Variants in CACNA1C observed in about 807,000 individuals in gnomAD.
CACNA1C encodes the protein calcium voltage-gated channel subunit alpha1 C, also known as voltage-dependent L-type calcium channel subunit alpha-1C.
In CACNA1C, 30 loss-of-function variants were observed where a neutral mutation model predicts 229.0. That is an observed-to-expected ratio of 0.13 (90% confidence interval 0.10 to 0.18). The LOEUF (loss-of-function observed/expected upper bound fraction) is 0.18. Ranked by LOEUF, CACNA1C falls within the 10% of genes least tolerant of loss-of-function variation. The probability of loss-of-function intolerance (pLI) is 1.00; values close to 1 mark genes in which losing one functional copy is unlikely to be tolerated. For missense variants in CACNA1C, 1,658 were observed against 2,845.0 expected, an observed-to-expected ratio of 0.58 and a Z score of 9.49; for synonymous variants, 1,114 against 1,132.5, an observed-to-expected ratio of 0.98 and a Z score of 0.33.
intron 1 of CACNA1C, among the ~76,000 whole-genome samples, chr12:2,080,420 T>A (rs1188311209): frequency 6.6e-6 from 1 of 151,634 alleles, no homozygotes; most frequent in Non-Finnish European, 1.5e-5. Flanking sequence ...GCTAACATGG[T>A]GAAACCCCAT....
chr12:2,650,035 T>C (rs1219637834), intron 31 of CACNA1C, among the ~76,000 whole-genome samples: 1 of 152,170 alleles, frequency 6.6e-6, no homozygotes, highest in African/African-American at 2.4e-5. Context: ...ACCCAGCCCC[T>C]CAGGTACCCG....
chr12:2,334,704 T>C (rs914803613), intron 3 of CACNA1C, among the ~76,000 whole-genome samples: 3 of 152,162 alleles, frequency 2.0e-5, no homozygotes, highest in Non-Finnish European at 4.4e-5. Context: ...GCAAATTCTT[T>C]AACTTCATTG....
At position 2,586,577 on chromosome 12, in the gene CACNA1C, G is replaced by T. The variant is rs116652004; in HGVS notation, c.2530+673G>T. ...CTGACCTAGGATTGCAGATATTATC[G>T]CCAGTTTCAAGCTTGAAGTCAATAA... On this transcript the variant is annotated intron_variant, in intron 18 of 46. Transcript: ENST00000399655. 2.0e-3 allele frequency among the ~76,000 whole-genome samples: 302 copies of T among 152,242 alleles called. 1 individual carries two copies. Among genetic ancestry groups the T allele is most frequent in the African/African-American group, 6.8e-3 (284 of 41,538 alleles).
intron 1 of CACNA1C, among the ~76,000 whole-genome samples, chr12:2,024,801 G>A (rs2429142): frequency 0.26 from 40,084 of 152,026 alleles, 6,132 homozygotes; most frequent in East Asian, 0.63. Flanking sequence ...TGTAGGCCAC[G>A]AACTTATATG....
At chr12:2,471,335 G>A (rs574687325) in intron 5 of CACNA1C, among the ~76,000 whole-genome samples, 1 of 152,092 alleles carries the variant, frequency 6.6e-6, no homozygotes, top group South Asian at 2.1e-4. Flanking sequence ...TTTTACTTTA[G>A]TCAATTGTCT....
chr12:2,419,060 C>G (rs976556786), intron 3 of CACNA1C, among the ~76,000 whole-genome samples: 6 of 152,218 alleles, frequency 3.9e-5, no homozygotes, highest in African/African-American at 1.4e-4. Context: ...GATTAGAAAA[C>G]TGAGGCCCTC....
chr12:2,150,019 G>C (rs190745121), intron 3 of CACNA1C, among the ~76,000 whole-genome samples: 1 of 152,288 alleles, frequency 6.6e-6, no homozygotes, highest in East Asian at 1.9e-4. Flanking sequence ...GCACTAAAAG[G>C]GGGTCAAGGA....
intron 3 of CACNA1C, among the ~76,000 whole-genome samples, chr12:2,273,846 G>A (rs908412638): frequency 2.0e-5 from 3 of 152,246 alleles, no homozygotes; most frequent in African/African-American, 7.2e-5. Context: ...GGTCAAGGAG[G>A]CTGTCTGTTT....
intron 6 of CACNA1C, among the ~76,000 whole-genome samples, chr12:2,487,297 T>A (rs1470337541): frequency 2.0e-5 from 3 of 151,582 alleles, no homozygotes; most frequent in African/African-American, 7.3e-5. Context: ...ATTTTCTCCA[T>A]CGACACTGCA....
rs1185163482 is a variant in CACNA1C, at chr12:2,054,802, CCTAT to C, written c.49+1194_49+1197del. Among the ~76,000 whole-genome samples, 2 of 152,198 alleles carry C rather than the reference CCTAT, an allele frequency of 1.3e-5. No individual in the cohort carries two copies. Among genetic ancestry groups the C allele is most frequent in the African/African-American group, 4.8e-5 (2 of 41,438 alleles). On this transcript the variant is annotated intron_variant, in intron 1 of 46. Coordinates refer to ENST00000399655, the MANE Select transcript of CACNA1C (RefSeq NM_000719.7). This position sits in a 1 kb window ranked among gnomAD's most constrained non-coding sequence, Gnocchi z 5.5. ...TCTTCCTCTTCTCTTCCCCTGAAAG[CCTAT>C]CTGTCACTGCTGGTCTCTGTTCCTT...
At chr12:2,008,936 C>A (rs1192203272) in intron 1 of CACNA1C, among the ~76,000 whole-genome samples, 2 of 152,168 alleles carry the variant, frequency 1.3e-5, no homozygotes, top group Non-Finnish European at 2.9e-5. Context: ...TTTGAATAAT[C>A]TGTGTTTGTA....
Position 2,398,999 on chromosome 12 carries a change from AC to A in CACNA1C, c.478-49974del, listed in dbSNP as rs1405441735. 5.3e-5 allele frequency among the ~76,000 whole-genome samples: 8 copies of A among 151,996 alleles called. No homozygotes were observed. The East Asian group carries it at 1.5e-3, about 29-fold the overall frequency. Reference sequence around the variant, plus strand: ...AACATGGGGCTTTGGGTACAGTTTGACCCTCTCCCTGAGATGGAAGATCTCC... The same window carrying A: ...AACATGGGGCTTTGGGTACAGTTTGACCTCTCCCTGAGATGGAAGATCTCC... On this transcript the variant is annotated intron_variant, in intron 3 of 46. Transcript: ENST00000399655.
intron 9 of CACNA1C, among the ~76,000 whole-genome samples, chr12:2,540,863 C>T (rs902058064): frequency 1.3e-5 from 2 of 152,198 alleles, no homozygotes; most frequent in African/African-American, 4.8e-5. Context: ...GGCTGCCCAA[C>T]AGCGTATCAC....
At chr12:2,195,282 C>T (rs529602557) in intron 3 of CACNA1C, among the ~76,000 whole-genome samples, 36 of 152,310 alleles carry the variant, frequency 2.4e-4, no homozygotes, top group African/African-American at 8.4e-4. Context: ...CACCACGCCC[C>T]TCCCTGTGGA....
chr12:2,349,806 C>T (rs1278580351), intron 3 of CACNA1C, among the ~76,000 whole-genome samples: 1 of 152,162 alleles, frequency 6.6e-6, no homozygotes, highest in Non-Finnish European at 1.5e-5. Flanking sequence ...GTGTCTGGCA[C>T]ACAGCACCCT....
chr12:2,297,841 C>T (rs1367670846), intron 3 of CACNA1C, among the ~76,000 whole-genome samples: 1 of 152,012 alleles, frequency 6.6e-6, no homozygotes, highest in Admixed American at 6.6e-5. Context: ...TGCAGCTCTC[C>T]AACCTTTACC....
At chr12:1,986,961 A>G (rs2037976213) in intron 1 of CACNA1C, among the ~76,000 whole-genome samples, 1 of 152,200 alleles carries the variant, frequency 6.6e-6, no homozygotes, top group South Asian at 2.1e-4. Flanking sequence ...GTTATGAAAC[A>G]TCCCAAGTAA....
At chr12:2,367,242 C>T (rs1314559918) in intron 3 of CACNA1C, among the ~76,000 whole-genome samples, 4 of 152,162 alleles carry the variant, frequency 2.6e-5, no homozygotes, top group African/African-American at 7.2e-5. Flanking sequence ...CAATAGTGCT[C>T]GAGCTCTTAT....
intron 29 of CACNA1C, among the ~76,000 whole-genome samples, chr12:2,623,166 C>T (rs1377544231): frequency 1.3e-5 from 2 of 152,182 alleles, no homozygotes. Flanking sequence ...TCTAGTGGGA[C>T]AAGGGTTTAG....
Sources: allele counts gnomAD v4.1 joint callset (sites outside exome capture counted in the v4.1 genomes callset), GRCh38; gene constraint gnomAD v4.1.1; non-coding constraint Gnocchi (gnomAD v3.1); transcripts MANE v1.5; gene names NCBI Gene and HGNC (gene_info 2026-07-23, HGNC 2026-07-21).